Variants in HERC1 observed in about 807,000 individuals in gnomAD.
HERC1 encodes the protein probable E3 ubiquitin-protein ligase HERC1.
A neutral mutation model predicts 554.3 loss-of-function variants in HERC1; 160 were observed. The ratio of observed to expected loss-of-function variants is 0.29; its 90% CI spans 0.25 to 0.33. The LOEUF is 0.33. Among genes scored for constraint, HERC1 ranks in the 10% least tolerant of loss-of-function variants. HERC1 has a pLI of 1.00. For synonymous variants in HERC1, 2,175 were observed against 2,131.7 expected (o/e 1.02, Z -0.56); for missense variants, 4,919 against 5,918.5 (o/e 0.83, Z 5.54).
At chr15:63,776,066 A>C (rs2076105341) in intron 1 of HERC1, among the ~76,000 whole-genome samples, 1 of 152,176 alleles carries the variant, frequency 6.6e-6, no homozygotes, top group Non-Finnish European at 1.5e-5. Context: ...TTATGTTAAA[A>C]AACAGTAATT....
chr15:63,654,236 G>A lies in HERC1; in HGVS notation c.10173C>T (p.Leu3391=), dbSNP rs751994406. ...GGTCGTGTGCAGCAAGAGTGCGCAC[G>A]AGTTGCTGAGCTGCCCATTGCCGAT... ...SQHRQWAAQQ[L]VRTLAAHDRD... is the part of the protein sequence containing the mutation. The change falls in exon 51 of 78, where the codon CTC becomes CTT. Residue 3391 remains leucine, a synonymous_variant. Coordinates refer to ENST00000443617, the MANE Select transcript of HERC1 (RefSeq NM_003922.4). 5.6e-6 allele frequency: 9 copies of A among 1,613,986 alleles called. No individual in the cohort carries two copies. The highest frequency in any genetic ancestry group is 3.3e-4 in the Middle Eastern group (2 of 6,062).
intron 54 of HERC1, 119 bp from the exon 55 acceptor site, chr15:63,648,318 T>C (rs1027868368): frequency 7.8e-6 from 8 of 1,025,590 alleles, no homozygotes; most frequent in Non-Finnish European, 1.1e-5. Context: ...AATTTCCAAA[T>C]AGCTCTTTAA....
chr15:63,625,693 C>CAA (rs536157824), intron 71 of HERC1, among the ~76,000 whole-genome samples: 3,889 of 111,586 alleles, frequency 0.035, 113 homozygotes, highest in Middle Eastern at 0.079. Context: ...GACTCCATCT[C>CAA]AAAAAAAAAA....
chr15:63,633,010 A>G (rs1487229183), intron 67 of HERC1, among the ~76,000 whole-genome samples, 199 bp from the exon 68 acceptor site: 2 of 152,214 alleles, frequency 1.3e-5, no homozygotes, highest in African/African-American at 4.8e-5. Flanking sequence ...GGGAGTGTGC[A>G]GGGGCAGAGG....
chr15:63,717,367 G>A (rs780317824), intron 21 of HERC1, among the ~76,000 whole-genome samples: 18 of 152,172 alleles, frequency 1.2e-4, no homozygotes, highest in Non-Finnish European at 2.6e-4. Flanking sequence ...AAAGAGTTTG[G>A]TTTTTTAAAT....
At chr15:63,744,165 T>TGTGTGTGTGTGTCC (rs58984935) in intron 12 of HERC1, among the ~76,000 whole-genome samples, 1 of 24,356 alleles carries the variant, frequency 4.1e-5, no homozygotes. Flanking sequence ...TGTGTGTGTG[T>TGTGTGTGTGTGTCC]CTCTCTCTCT....
At chr15:63,821,726 CAAAAAAAAAA>C (rs35074987) in intron 1 of HERC1, among the ~76,000 whole-genome samples, 1 of 62,478 alleles carries the variant, frequency 1.6e-5, no homozygotes, top group African/African-American at 7.0e-5. Flanking sequence ...TACCCTGTCT[CAAAAAAAAAA>C]AAAAAAAAAA....
At chr15:63,697,635 A>G (rs2072498803) in intron 26 of HERC1, among the ~76,000 whole-genome samples, 1 of 151,876 alleles carries the variant, frequency 6.6e-6, no homozygotes, top group Non-Finnish European at 1.5e-5. Context: ...TTGTATTTTT[A>G]GTAGAGATGG....
In HERC1 at chr15:63,754,484, GAT is replaced by G. The variant is rs781314786; in HGVS notation, c.1774+19_1774+20del. The G allele has an allele frequency of 6.5e-7, 1 of 1,547,528 alleles. No homozygotes were observed. Among genetic ancestry groups the G allele is most frequent in the Non-Finnish European group, 8.7e-7 (1 of 1,148,584 alleles). ...ACTCAAGAAAAAAGCCAAAGCTACT[GAT>G]AAATAATTTTTTACATACCATTGTC... On this transcript the variant is annotated intron_variant, in intron 7 of 77. Coordinates refer to ENST00000443617, the MANE Select transcript of HERC1 (RefSeq NM_003922.4).
intron 25 of HERC1, among the ~76,000 whole-genome samples, chr15:63,701,440 T>G (rs1189138158): frequency 2.0e-5 from 3 of 152,146 alleles, no homozygotes. Context: ...AAAGCAGGGG[T>G]TGGCAAACTT....
intron 77 of HERC1, among the ~76,000 whole-genome samples, chr15:63,609,580 G>A (rs1477289952): frequency 2.6e-5 from 4 of 152,236 alleles, no homozygotes; most frequent in Admixed American, 6.5e-5. Flanking sequence ...CAGGATGAGA[G>A]TGTAGTAAGA....
chr15:63,715,752 CT>C (rs1236282978), intron 22 of HERC1, among the ~76,000 whole-genome samples: 2 of 152,106 alleles, frequency 1.3e-5, no homozygotes, highest in Non-Finnish European at 2.9e-5. Flanking sequence ...AAATAACTAC[CT>C]TTAAAAACTA....
At chr15:63,793,778 T>A (rs1473242561) in intron 1 of HERC1, among the ~76,000 whole-genome samples, 1 of 152,054 alleles carries the variant, frequency 6.6e-6, no homozygotes. Context: ...TGGGTTCAGC[T>A]ATCTGGAAGT....
At chr15:63,702,489 C>A (rs1020353990) in intron 25 of HERC1, among the ~76,000 whole-genome samples, 7 of 152,194 alleles carry the variant, frequency 4.6e-5, no homozygotes, top group Non-Finnish European at 1.0e-4. Context: ...TATCCCACAA[C>A]TTTTCACTGT....
intron 66 of HERC1, 21 bp from the exon 67 acceptor site, chr15:63,633,991 C>A (rs755958301): frequency 1.2e-6 from 2 of 1,613,364 alleles, no homozygotes; most frequent in Non-Finnish European, 1.7e-6. Context: ...AACAGCATTC[C>A]GTAAGGCAAA....
chr15:63,735,609 G>A (rs1421159672), intron 12 of HERC1, among the ~76,000 whole-genome samples: 2 of 151,692 alleles, frequency 1.3e-5, no homozygotes, highest in Admixed American at 6.6e-5. Context: ...AGTGGGAACA[G>A]CATAAGGAAT....
chr15:63,690,361 A>G (rs2153037879), intron 32 of HERC1, among the ~76,000 whole-genome samples, 180 bp downstream of exon 32: 1 of 152,046 alleles, frequency 6.6e-6, no homozygotes, highest in Middle Eastern at 3.4e-3. Flanking sequence ...CACACCCCAT[A>G]ACTTAATTTT....
At chr15:63,690,125 T>C (rs2072020571) in intron 32 of HERC1, among the ~76,000 whole-genome samples, 1 of 143,114 alleles carries the variant, frequency 7.0e-6, no homozygotes, top group African/African-American at 2.7e-5. Flanking sequence ...ATCGCGCCAC[T>C]GCACTCACTC....
chr15:63,739,918 T>TC (rs1555432558), intron 12 of HERC1, among the ~76,000 whole-genome samples: 2 of 151,856 alleles, frequency 1.3e-5, no homozygotes, highest in African/African-American at 4.8e-5. Context: ...ATATTTTATT[T>TC]TTTTTTTTTT....
Sources: gnomAD v4.1 joint callset for allele counts (sites outside exome capture counted in the v4.1 genomes callset) on GRCh38, gnomAD v4.1.1 for gene constraint, MANE v1.5 for transcripts, NCBI Gene and HGNC (gene_info 2026-07-23, HGNC 2026-07-21) for gene names.